DNAJB13: variants seen among roughly 807,000 people sequenced by gnomAD.
DNAJB13 encodes the protein dnaJ homolog subfamily B member 13.
In DNAJB13, 22 loss-of-function variants were observed where a neutral mutation model predicts 35.6. The ratio of observed to expected loss-of-function variants is 0.62; its 90% CI spans 0.44 to 0.88. The LOEUF (loss-of-function observed/expected upper bound fraction) is 0.88, where lower values mean the gene tolerates loss of function less well. Among genes scored for constraint, DNAJB13 ranks in the 40% least tolerant of loss-of-function variants. The probability of loss-of-function intolerance (pLI) is 0.00; values close to 1 mark genes in which losing one functional copy is unlikely to be tolerated. For synonymous variants in DNAJB13, 136 were observed against 144.2 expected (o/e 0.94, Z 0.41); for missense variants, 370 against 384.3 (o/e 0.96, Z 0.31).
intron 3 of DNAJB13, chr11:73,963,898 A>C (rs552828672): frequency 4.1e-4 from 62 of 152,276 alleles, no homozygotes; most frequent in African/African-American, 1.5e-3. Context: ...GGCGTGGCAC[A>C]GTGGTTAAGG....
At chr11:73,969,150 C>T (rs79398991) in intron 6 of DNAJB13, 96 bp from the exon 7 acceptor site, 24,875 of 623,328 alleles carry the variant, frequency 0.04, 631 homozygotes, top group Middle Eastern at 0.069. Flanking sequence ...GTGCCCAACT[C>T]ACAGTCTGGC....
At chr11:73,962,007 G>T (rs1271306598) in intron 3 of DNAJB13, among the ~76,000 whole-genome samples, 1 of 152,108 alleles carries the variant, frequency 6.6e-6, no homozygotes, top group East Asian at 1.9e-4. Context: ...TGGCCAGGCT[G>T]GTTTTGAACT....
chr11:73,953,005 C>T (rs1950624384), intron 1 of DNAJB13, among the ~76,000 whole-genome samples: 1 of 152,168 alleles, frequency 6.6e-6, no homozygotes, highest in Non-Finnish European at 1.5e-5. Flanking sequence ...AGGAGGATCC[C>T]TTGGGCCCAG....
intron 3 of DNAJB13, 88 bp from the exon 4 acceptor site, chr11:73,964,790 T>TGC (rs1951036942): frequency 2.3e-6 from 2 of 881,594 alleles, no homozygotes; most frequent in African/African-American, 2.3e-5. Flanking sequence ...TGTGTGTGTG[T>TGC]GTGTGTGTGT....
In DNAJB13 at chr11:73,964,808, TGTGTGC is replaced by T. The variant is rs775266888; in HGVS notation, c.335-68_335-63del. 1,224 of 725,336 alleles carry T rather than the reference TGTGTGC, an allele frequency of 1.7e-3. 19 individuals carry two copies. The highest frequency in any genetic ancestry group is 9.9e-3 in the African/African-American group (442 of 44,656). 44.9% of individuals were successfully genotyped at this position (725,336 alleles called of 1,614,324 possible). ...GTGTGTGTGTGTGTGTGTGTGTGTG[TGTGTGC>T]GCGCGCGCGCATGTCTGGGTCTCTG... On this transcript the variant is annotated intron_variant, in intron 3 of 7. Transcript: ENST00000339764.
chr11:73,968,735 C>T (rs551220079), intron 6 of DNAJB13, among the ~76,000 whole-genome samples: 5 of 152,274 alleles, frequency 3.3e-5, no homozygotes, highest in African/African-American at 1.2e-4. Flanking sequence ...GACCCTGCCA[C>T]ACTCCTGTCT....
chr11:73,964,700 G>GTTATAGGA (rs1189273564), intron 3 of DNAJB13, 178 bp from the exon 4 acceptor site: 1 of 669,552 alleles, frequency 1.5e-6, no homozygotes, highest in Non-Finnish European at 2.5e-6. Flanking sequence ...CTGAGAGGTG[G>GTTATAGGA]TTATAGGATG....
intron 1 of DNAJB13, among the ~76,000 whole-genome samples, chr11:73,957,797 T>C (rs634771): frequency 0.44 from 67,116 of 151,896 alleles, 15,288 homozygotes; most frequent in African/African-American, 0.56. Context: ...TCTGCTCCGG[T>C]CCTCTAAGAA....
chr11:73,962,448 A>AATGGATGGCTGGGTAGGCGG (rs1400057777), intron 3 of DNAJB13, among the ~76,000 whole-genome samples: 4 of 135,776 alleles, frequency 2.9e-5, no homozygotes, highest in African/African-American at 1.5e-4. Flanking sequence ...TGGGTAAATG[A>AATGGATGGCTGGGTAGGCGG]ATGGATGGCT....
chr11:73,964,945 G>A lies in DNAJB13; in HGVS notation c.402G>A (p.Lys134=), dbSNP rs1042544918. 6.2e-7 allele frequency: 1 copy of A among 1,613,278 alleles called. No individual in the cohort carries two copies. The highest frequency in any genetic ancestry group is 8.5e-7 in the Non-Finnish European group (1 of 1,179,898). The change falls in exon 4 of 8, where the codon AAG becomes AAA. Residue 134 remains lysine, a synonymous_variant. Coordinates refer to ENST00000339764, the MANE Select transcript of DNAJB13 (RefSeq NM_153614.4). ...NFGGLQGRGV[K]KQDPQVERDL... ...GGGGGCTCCAGGGCCGAGGGGTCAA[G>A]AAGCAGGACCCCCAAGTCGAACGGG... is the stretch of plus-strand genomic sequence containing the variant.
chr11:73,959,438 C>A, intron 2 of DNAJB13, 56 bp from the exon 3 acceptor site: 2 of 1,574,236 alleles, frequency 1.3e-6, no homozygotes, highest in South Asian at 1.2e-5. Flanking sequence ...CCCAGCCCCT[C>A]CACCTATCTC....
intron 4 of DNAJB13, 131 bp from the exon 5 acceptor site, chr11:73,966,007 A>T: frequency 1.2e-6 from 1 of 843,872 alleles, no homozygotes; most frequent in Non-Finnish European, 1.9e-6. Context: ...GATTGAGCCC[A>T]AGTACAAATC....
chr11:73,958,080 G>T (rs2135296493), intron 1 of DNAJB13, among the ~76,000 whole-genome samples: 1 of 152,320 alleles, frequency 6.6e-6, no homozygotes, highest in Admixed American at 6.5e-5. Flanking sequence ...CAGCTCAGGG[G>T]CAGTTGCTTC....
chr11:73,954,028 A>ATT lies in DNAJB13; in HGVS notation c.68+2891_68+2892insTT, dbSNP rs1172714859. Among the ~76,000 whole-genome samples, 336 of 146,682 alleles carry ATT rather than the reference A, an allele frequency of 2.3e-3. 4 individuals are homozygous for ATT. The highest frequency in any genetic ancestry group is 7.8e-3 in the African/African-American group (312 of 40,078). ...TAATAATAATAATAATAATAATAAT[A>ATT]ATAATAATAATAATGGCTGGACACA... is the stretch of plus-strand genomic sequence containing the variant. On this transcript the variant is annotated intron_variant, in intron 1 of 7. Transcript: ENST00000339764.
intron 1 of DNAJB13, among the ~76,000 whole-genome samples, 153 bp from the exon 2 acceptor site, chr11:73,958,164 A>G (rs978505112): frequency 6.6e-6 from 1 of 152,202 alleles, no homozygotes; most frequent in East Asian, 1.9e-4. Flanking sequence ...ACTCTTCAAG[A>G]GCTGAGCAGT....
chr11:73,953,998 T>TAAA (rs1410142655), intron 1 of DNAJB13, among the ~76,000 whole-genome samples: 3 of 100,382 alleles, frequency 3.0e-5, no homozygotes, highest in African/African-American at 1.3e-4. Flanking sequence ...AAAATAATAA[T>TAAA]AAAATAATAA....
chr11:73,954,647 T>TAA (rs199706491), intron 1 of DNAJB13, among the ~76,000 whole-genome samples: 31 of 138,660 alleles, frequency 2.2e-4, no homozygotes, highest in Admixed American at 5.8e-4. Context: ...AAAAATAAAA[T>TAA]AAATAAATAA....
chr11:73,969,818 G>A, intron 7 of DNAJB13, 143 bp from the exon 8 acceptor site: 3 of 1,107,512 alleles, frequency 2.7e-6, no homozygotes, highest in South Asian at 1.9e-5. Context: ...TTCCCAACCA[G>A]TTCTGGCTAA....
chr11:73,956,717 C>T (rs755549964), intron 1 of DNAJB13, among the ~76,000 whole-genome samples: 20 of 150,228 alleles, frequency 1.3e-4, no homozygotes, highest in Non-Finnish European at 2.2e-4. Context: ...GCAGGAGAAT[C>T]GCTTGAACCC....
Sources: gnomAD v4.1 joint callset for allele counts (sites outside exome capture counted in the v4.1 genomes callset) on GRCh38, gnomAD v4.1.1 for gene constraint, MANE v1.5 for transcripts, NCBI Gene and HGNC (gene_info 2026-07-23, HGNC 2026-07-21) for gene names.